CCDC192: variants seen among roughly 807,000 people sequenced by gnomAD.
CCDC192 encodes the protein coiled-coil domain containing 192, also known as coiled-coil domain-containing protein 192.
intron 6 of CCDC192, among the ~76,000 whole-genome samples, chr5:127,920,477 C>G (rs369095031): frequency 2.8e-5 from 4 of 144,232 alleles, no homozygotes; most frequent in Admixed American, 7.0e-5. Context: ...GGTGCAATCT[C>G]GAGTCACTGC....
chr5:127,784,673 C>A, intron 3 of CCDC192: 1 of 720,078 alleles, frequency 1.4e-6, no homozygotes, highest in South Asian at 1.4e-5. Context: ...TATTCTTTCT[C>A]AATTAGAATG....
intron 2 of CCDC192, among the ~76,000 whole-genome samples, chr5:127,738,045 G>T (rs1289080202): frequency 6.6e-6 from 1 of 151,748 alleles, no homozygotes; most frequent in East Asian, 1.9e-4. Flanking sequence ...TTACATTTTG[G>T]CATGATTTTG....
At chr5:127,719,216 A>G (rs1038917704) in intron 2 of CCDC192, among the ~76,000 whole-genome samples, 1 of 152,026 alleles carries the variant, frequency 6.6e-6, no homozygotes. Context: ...ATATTGTTGA[A>G]AAGGACAGGA....
intron 5 of CCDC192, among the ~76,000 whole-genome samples, chr5:127,811,095 T>G (rs1307151513): frequency 6.6e-6 from 1 of 152,220 alleles, no homozygotes; most frequent in Non-Finnish European, 1.5e-5. Context: ...ATTTCAGGTC[T>G]TATTACCCAA....
intron 3 of CCDC192, among the ~76,000 whole-genome samples, chr5:127,761,251 C>G (rs1469804463): frequency 6.6e-6 from 1 of 152,160 alleles, no homozygotes; most frequent in East Asian, 1.9e-4. Context: ...TGAGGATTCA[C>G]TATATGCCAG....
chr5:127,941,346 C>T lies in CCDC192; in HGVS notation c.700C>T (p.Leu234=), dbSNP rs1299440435. ...LEEKERKIQQ[L]EAERSPHPPQ... is the part of the protein sequence containing the mutation. ...GGAAAAGGAAAGGAAGATTCAGCAG[C>T]TGGAAGCTGAGCGGAGTCCCCATCC... The change falls in exon 7 of 7, where the codon CTG becomes TTG. Residue 234 remains leucine (L), a synonymous_variant. Coordinates refer to ENST00000514853, the MANE Select transcript of CCDC192 (RefSeq NM_001317938.2). The T allele has an allele frequency of 5.0e-6, 2 of 398,996 alleles. No individual in the cohort carries two copies. The highest frequency in any genetic ancestry group is 8.8e-6 in the Non-Finnish European group (2 of 226,102). The allele number at this position is 398,996 out of a possible 1,614,324, so 24.7% of individuals were successfully genotyped here.
At chr5:127,873,791 G>C (rs1460514126) in intron 5 of CCDC192, among the ~76,000 whole-genome samples, 3 of 152,188 alleles carry the variant, frequency 2.0e-5, no homozygotes, top group Admixed American at 6.5e-5. Flanking sequence ...ACAAGGTGCT[G>C]TCACCACAGG....
At chr5:127,903,951 A>G (rs1045896062) in intron 6 of CCDC192, among the ~76,000 whole-genome samples, 2 of 152,324 alleles carry the variant, frequency 1.3e-5, no homozygotes, top group Non-Finnish European at 1.5e-5. Context: ...GTCTTTACCT[A>G]AATCCTGGAA....
chr5:127,733,965 G>A (rs1752805519), intron 2 of CCDC192, among the ~76,000 whole-genome samples: 1 of 148,180 alleles, frequency 6.7e-6, no homozygotes, highest in Admixed American at 6.8e-5. Context: ...TAGGGTACAT[G>A]TGCACATTGT....
At chr5:127,905,300 C>T (rs982281932) in intron 6 of CCDC192, among the ~76,000 whole-genome samples, 1 of 152,046 alleles carries the variant, frequency 6.6e-6, no homozygotes, top group Non-Finnish European at 1.5e-5. Context: ...TATGAAGTTG[C>T]GTCTTTAGGC....
chr5:127,794,520 A>T, intron 3 of CCDC192, among the ~76,000 whole-genome samples: 1 of 152,178 alleles, frequency 6.6e-6, no homozygotes, highest in East Asian at 1.9e-4. Context: ...AGAAATGTTA[A>T]CTATTATTAA....
chr5:127,767,017 CTAA>C (rs1755266352), intron 3 of CCDC192, among the ~76,000 whole-genome samples: 1 of 152,166 alleles, frequency 6.6e-6, no homozygotes, highest in African/African-American at 2.4e-5. Flanking sequence ...ATCAAAGAGA[CTAA>C]TAAGGCCTTG....
In CCDC192 at chr5:127,901,317, G is replaced by C. The variant is rs184823004; in HGVS notation, c.535+25656G>C. 2.7e-3 allele frequency among the ~76,000 whole-genome samples: 417 copies of C among 152,096 alleles called. 1 individual carries two copies. Among genetic ancestry groups the C allele is most frequent in the Non-Finnish European group, 4.8e-3 (325 of 67,976 alleles). On this transcript the variant is annotated intron_variant, in intron 6 of 6. Coordinates refer to ENST00000514853, the MANE Select transcript of CCDC192 (RefSeq NM_001317938.2). Reference sequence around the variant, plus strand: ...CCTAAATAATAATCATCAATGATTTGCAGTTATTTTGAATCAACCTAGGGT... The same window carrying C: ...CCTAAATAATAATCATCAATGATTTCCAGTTATTTTGAATCAACCTAGGGT...
chr5:127,787,504 G>A (rs1456394116), intron 3 of CCDC192, among the ~76,000 whole-genome samples: 2 of 152,144 alleles, frequency 1.3e-5, no homozygotes, highest in African/African-American at 2.4e-5. Context: ...TTGTTTAAGA[G>A]TGTGTTATTT....
intron 5 of CCDC192, among the ~76,000 whole-genome samples, chr5:127,833,576 A>G (rs891802179): frequency 1.3e-5 from 2 of 152,110 alleles, no homozygotes; most frequent in African/African-American, 4.8e-5. Flanking sequence ...GAAGGATAAT[A>G]TTTTTGTTTG....
intron 3 of CCDC192, among the ~76,000 whole-genome samples, chr5:127,781,498 G>T (rs962888016): frequency 6.6e-6 from 1 of 151,186 alleles, no homozygotes; most frequent in African/African-American, 2.4e-5. Context: ...TGTTGTCTAT[G>T]ATTTCTTTCA....
At chr5:127,823,060 A>G (rs1487344491) in intron 5 of CCDC192, among the ~76,000 whole-genome samples, 2 of 152,194 alleles carry the variant, frequency 1.3e-5, no homozygotes, top group Non-Finnish European at 2.9e-5. Flanking sequence ...AACCCTGCCT[A>G]TCAGCTCTGC....
intron 6 of CCDC192, among the ~76,000 whole-genome samples, chr5:127,916,282 A>G (rs1321862604): frequency 6.6e-6 from 1 of 152,102 alleles, no homozygotes; most frequent in Non-Finnish European, 1.5e-5. Flanking sequence ...TATTTCCACC[A>G]TTTCTGCAGT....
chr5:127,768,573 A>T (rs1011696808), intron 3 of CCDC192, among the ~76,000 whole-genome samples: 1 of 152,242 alleles, frequency 6.6e-6, no homozygotes, highest in Non-Finnish European at 1.5e-5. Context: ...TTGTTGTTTA[A>T]GCCACCCAGT....
Sources: allele counts gnomAD v4.1 joint callset (sites outside exome capture counted in the v4.1 genomes callset), GRCh38; gene constraint gnomAD v4.1.1; transcripts MANE v1.5; gene names NCBI Gene and HGNC (gene_info 2026-07-23, HGNC 2026-07-21).